TTC28: variants seen among roughly 807,000 people sequenced by gnomAD.
TTC28 encodes tetratricopeptide repeat domain 28.
TTC28 carries 61 observed loss-of-function variants against 198.0 expected under a neutral mutation model. The observed-to-expected ratio is 0.31, with a 90% CI of 0.25 to 0.38. TTC28 has a LOEUF of 0.38. Ranked by LOEUF, TTC28 falls within the 10% of genes least tolerant of loss-of-function variation. TTC28 has a pLI of 1.00. For missense variants in TTC28, 2,678 were observed against 3,164.0 expected (o/e 0.85, Z 3.69); for synonymous variants, 1,171 against 1,297.8 (o/e 0.90, Z 2.10).
intron 5 of TTC28, among the ~76,000 whole-genome samples, chr22:28,182,933 G>A (rs75553863): frequency 1.3e-5 from 2 of 152,138 alleles, no homozygotes; most frequent in Non-Finnish European, 2.9e-5. Context: ...AGCTGTTTAG[G>A]TGAAGTTGGA....
At chr22:28,196,631 T>C (rs1157983026) in intron 5 of TTC28, among the ~76,000 whole-genome samples, 2 of 152,140 alleles carry the variant, frequency 1.3e-5, no homozygotes, top group Non-Finnish European at 2.9e-5. Flanking sequence ...GAGTGAAGGA[T>C]ATAAACAGAC....
chr22:28,332,302 AAT>A (rs1175777300), intron 2 of TTC28, among the ~76,000 whole-genome samples: 2 of 152,046 alleles, frequency 1.3e-5, no homozygotes, highest in African/African-American at 4.8e-5. Flanking sequence ...GTCCCTAATT[AAT>A]ATCTTATGTA....
At chr22:28,111,639 G>A (rs534890135) in intron 6 of TTC28, among the ~76,000 whole-genome samples, 2 of 151,896 alleles carry the variant, frequency 1.3e-5, no homozygotes, top group African/African-American at 2.4e-5. Context: ...CAATAATTAC[G>A]AACAGAGCCG....
chr22:28,047,982 C>T (rs768647064), intron 12 of TTC28, among the ~76,000 whole-genome samples: 2 of 152,114 alleles, frequency 1.3e-5, no homozygotes, highest in Non-Finnish European at 2.9e-5. Flanking sequence ...GAGAGAACTG[C>T]CCTGCTCCTT....
chr22:28,609,623 G>C (rs1470578942), intron 2 of TTC28, among the ~76,000 whole-genome samples: 1 of 152,132 alleles, frequency 6.6e-6, no homozygotes, highest in African/African-American at 2.4e-5. Context: ...CAGGGCCCTG[G>C]GTTTCGAGCA....
At chr22:28,118,355 C>T (rs1197633300) in intron 6 of TTC28, among the ~76,000 whole-genome samples, 7 of 151,750 alleles carry the variant, frequency 4.6e-5, no homozygotes, top group African/African-American at 9.7e-5. Context: ...GCCGAGATCA[C>T]GCCACTGCAC....
At chr22:28,544,562 C>T (rs2049493858) in intron 2 of TTC28, among the ~76,000 whole-genome samples, 2 of 152,052 alleles carry the variant, frequency 1.3e-5, no homozygotes, top group Non-Finnish European at 1.5e-5. Flanking sequence ...AGGCTATGAC[C>T]GGCTGGGCTG....
rs994857093 is a variant in TTC28 at position 28,001,207 on chromosome 22, G to A, written c.4398+167C>T. 7 of 861,328 alleles carry A rather than the reference G, an allele frequency of 8.1e-6. No individual in the cohort carries two copies. The African/African-American group carries it at 1.2e-4, about 15-fold the overall frequency. 53.4% of individuals were successfully genotyped at this position (861,328 alleles called of 1,614,324 possible). A position where few individuals can be genotyped will look rare whatever the true frequency, so the allele number is the denominator to read the frequency against. ...GTCATGAGGGCCGTGCCCCACTTTT[G>A]GACAGACCTACTCTAAAGTCACGCT... On this transcript the variant is annotated intron_variant, in intron 15 of 22. Transcript: ENST00000397906.
intron 2 of TTC28, among the ~76,000 whole-genome samples, chr22:28,627,756 T>C (rs1474722620): frequency 2.0e-5 from 3 of 151,730 alleles, no homozygotes; most frequent in Non-Finnish European, 4.4e-5. Flanking sequence ...TCTCAACAAT[T>C]TTTGTTTCAT....
At chr22:28,275,293 A>C (rs1932350255) in intron 5 of TTC28, among the ~76,000 whole-genome samples, 1 of 152,228 alleles carries the variant, frequency 6.6e-6, no homozygotes, top group Non-Finnish European at 1.5e-5. Flanking sequence ...TAAGGAGAGA[A>C]GGCCCTTAAA....
intron 5 of TTC28, among the ~76,000 whole-genome samples, chr22:28,223,022 C>T (rs1928006520): frequency 6.6e-6 from 1 of 152,156 alleles, no homozygotes; most frequent in South Asian, 2.1e-4. Flanking sequence ...AATTAATTTG[C>T]TTAATATGTC....
rs911028184 is a variant in TTC28, at chr22:28,270,152, A to T, written c.933+26046T>A. ...TGTATATGTTTTAAGGAGACATAAA[A>T]CATCAATCAATGCACGTAAGGTATG... is the stretch of plus-strand genomic sequence containing the variant. On this transcript the variant is annotated intron_variant, in intron 5 of 22. Transcript: ENST00000397906. 1.3e-4 allele frequency among the ~76,000 whole-genome samples: 20 copies of T among 152,218 alleles called. 1 individual carries two copies. Among genetic ancestry groups the T allele is most frequent in the Admixed American group, 7.2e-4 (11 of 15,284 alleles).
intron 2 of TTC28, among the ~76,000 whole-genome samples, chr22:28,406,705 A>G (rs13057464): frequency 6.6e-5 from 10 of 152,336 alleles, no homozygotes; most frequent in East Asian, 3.9e-4. Flanking sequence ...TAATGAGAAC[A>G]TCAGAAGTCC....
intron 2 of TTC28, among the ~76,000 whole-genome samples, chr22:28,315,939 A>C (rs191292281): frequency 6.6e-6 from 1 of 152,306 alleles, no homozygotes; most frequent in Non-Finnish European, 1.5e-5. Flanking sequence ...GGGATCCAGA[A>C]GAGGGGTGCT....
chr22:28,245,084 G>A (rs553651981), intron 5 of TTC28, among the ~76,000 whole-genome samples: 3 of 152,188 alleles, frequency 2.0e-5, no homozygotes, highest in Non-Finnish European at 4.4e-5. Context: ...AGATAAAGCA[G>A]AGCCAGACTT....
chr22:28,557,347 T>C (rs2145982368), intron 2 of TTC28, among the ~76,000 whole-genome samples: 1 of 152,354 alleles, frequency 6.6e-6, no homozygotes, highest in East Asian at 1.9e-4. Flanking sequence ...CTCTGTCATA[T>C]ATTCCATTTC....
At chr22:28,439,840 A>AC (rs112001201) in intron 2 of TTC28, among the ~76,000 whole-genome samples, 3,025 of 150,222 alleles carry the variant, frequency 0.02, 29 homozygotes, top group Non-Finnish European at 0.027. Context: ...AAAGCTGTAC[A>AC]CTTTTTTTTT....
intron 5 of TTC28, among the ~76,000 whole-genome samples, chr22:28,291,646 A>G (rs2044789900): frequency 6.6e-6 from 1 of 152,240 alleles, no homozygotes; most frequent in African/African-American, 2.4e-5. Context: ...GCAATCAGTA[A>G]TAAGTATAAG....
chr22:28,009,594 AGGTGACG>A (rs1569081164), intron 14 of TTC28, among the ~76,000 whole-genome samples: 1 of 152,196 alleles, frequency 6.6e-6, no homozygotes, highest in Non-Finnish European at 1.5e-5. Flanking sequence ...TGGGCAGCGC[AGGTGACG>A]GGTGCCAAAC....
Sources: allele counts gnomAD v4.1 joint callset (sites outside exome capture counted in the v4.1 genomes callset), GRCh38; gene constraint gnomAD v4.1.1; transcripts MANE v1.5; gene names NCBI Gene and HGNC (gene_info 2026-07-23, HGNC 2026-07-21).